CACNA1B: variants seen among roughly 807,000 people sequenced by gnomAD.
CACNA1B encodes the protein calcium voltage-gated channel subunit alpha1 B.
CACNA1B carries 70 observed loss-of-function variants against 247.2 expected under a neutral mutation model. The observed-to-expected ratio is 0.28, with a 90% CI of 0.23 to 0.35. CACNA1B has a LOEUF of 0.35. Among genes scored for constraint, CACNA1B ranks in the 10% least tolerant of loss-of-function variants. The pLI, the probability that CACNA1B is intolerant of heterozygous loss-of-function variation, is 1.00. For synonymous variants in CACNA1B, 1,231 were observed against 1,294.4 expected, an observed-to-expected ratio of 0.95 and a Z score of 1.05; for missense variants, 2,367 against 3,197.4, an observed-to-expected ratio of 0.74 and a Z score of 6.26.
At chr9:138,048,426 G>A (rs1959201868) in intron 23 of CACNA1B, among the ~76,000 whole-genome samples, 1 of 152,208 alleles carries the variant, frequency 6.6e-6, no homozygotes, top group Admixed American at 6.5e-5. Flanking sequence ...CAGGCTGCAG[G>A]GAATTTAGGA....
intron 20 of CACNA1B, among the ~76,000 whole-genome samples, chr9:138,030,612 A>G (rs1589080285): frequency 6.6e-6 from 1 of 152,296 alleles, no homozygotes; most frequent in Admixed American, 6.5e-5. Context: ...TTTGAATTGA[A>G]TGGATTGTCC....
At chr9:137,949,671 C>T (rs1957856452) in intron 6 of CACNA1B, among the ~76,000 whole-genome samples, 1 of 152,004 alleles carries the variant, frequency 6.6e-6, no homozygotes, top group Admixed American at 6.6e-5. Flanking sequence ...ATGCAGTTCC[C>T]GATGGCGGTG....
intron 6 of CACNA1B, among the ~76,000 whole-genome samples, chr9:137,923,470 G>A (rs1335762094): frequency 2.0e-5 from 3 of 150,726 alleles, no homozygotes; most frequent in Admixed American, 6.6e-5. Flanking sequence ...GTGCCAGGTA[G>A]TATTCCGTGG....
intron 20 of CACNA1B, among the ~76,000 whole-genome samples, chr9:138,026,338 G>A (rs1333049828): frequency 2.0e-5 from 3 of 152,254 alleles, no homozygotes; most frequent in East Asian, 3.9e-4. Context: ...TCCCTCACCT[G>A]ATTCTCTGTG....
At chr9:138,088,914 G>A (rs1001971276) in intron 36 of CACNA1B, among the ~76,000 whole-genome samples, 28 of 134,854 alleles carry the variant, frequency 2.1e-4, no homozygotes, top group African/African-American at 4.5e-4. Flanking sequence ...ACCGGAGATC[G>A]CGCCATTGCA....
intron 3 of CACNA1B, among the ~76,000 whole-genome samples, chr9:137,901,444 G>C (rs1428957359): frequency 6.6e-6 from 1 of 152,110 alleles, no homozygotes; most frequent in Non-Finnish European, 1.5e-5. Context: ...TCCTGCCTCA[G>C]CCTCCTAAGT....
chr9:137,892,220 C>G, intron 3 of CACNA1B: 1 of 456,800 alleles, frequency 2.2e-6, no homozygotes, highest in Non-Finnish European at 4.4e-6. Flanking sequence ...CCGGGCGCTG[C>G]AACAGCAGAC....
intron 35 of CACNA1B, among the ~76,000 whole-genome samples, chr9:138,076,598 C>A (rs905499981): frequency 6.6e-6 from 1 of 152,236 alleles, no homozygotes. Flanking sequence ...GCCTCAGCAT[C>A]AGCTGCTGTT....
intron 20 of CACNA1B, among the ~76,000 whole-genome samples, chr9:138,033,813 C>T (rs534135275): frequency 6.6e-6 from 1 of 152,092 alleles, no homozygotes; most frequent in African/African-American, 2.4e-5. Context: ...ATAGGGGAAA[C>T]CACCCCCATG....
chr9:137,910,443 G>A (rs904916236), intron 3 of CACNA1B, among the ~76,000 whole-genome samples: 2 of 152,128 alleles, frequency 1.3e-5, no homozygotes, highest in African/African-American at 2.4e-5. Context: ...CAGAGGTCGG[G>A]GGATGGTTTT....
At position 138,102,439 on chromosome 9, in the gene CACNA1B, C is replaced by T. The variant is rs562128211; in HGVS notation, c.5223-272C>T. Among the ~76,000 whole-genome samples the T allele has an allele frequency of 7.8e-4, 119 of 152,272 alleles. 1 individual carries two copies. The highest frequency in any genetic ancestry group is 1.2e-3 in the Non-Finnish European group (79 of 68,024). The stretch of plus-strand genomic sequence containing the variant: ...ACCCCTCCATGTTCATTAGCTCAGA[C>T]GCCACCCCCGCCCACTGCCCCGCGT... On this transcript the variant is annotated intron_variant, in intron 37 of 46. Coordinates refer to ENST00000371372, the MANE Select transcript of CACNA1B (RefSeq NM_000718.4). The surrounding 1 kb of genome is among the most constrained non-coding windows in gnomAD (Gnocchi z 5.4).
rs5901129 is a variant in CACNA1B, at chr9:138,123,560, ATG to A, written c.*1589_*1590del. 0.77 allele frequency: 114,970 copies of A among 149,358 alleles called. 48,967 individuals carry two copies. The highest frequency in any genetic ancestry group is 0.94 in the Non-Finnish European group (63,372 of 67,078). 9.3% of individuals were successfully genotyped at this position (149,358 alleles called of 1,614,324 possible). On this transcript the variant is annotated 3_prime_UTR_variant, in exon 47 of 47. Coordinates refer to ENST00000371372, the MANE Select transcript of CACNA1B (RefSeq NM_000718.4). ...ATTCTCCTCAAAGAAATTGTGTGTG[ATG>A]TGTGTGTGTGTGTGTGTGTGTGTGT...
rs1389520429 is a variant in CACNA1B, at chr9:138,122,983, G to A, written c.*984G>A. 1 of 152,276 alleles carries A rather than the reference G, an allele frequency of 6.6e-6. No homozygotes were observed. The highest frequency in any genetic ancestry group is 1.5e-5 in the Non-Finnish European group (1 of 68,056). The allele number at this position is 152,276 out of a possible 1,614,324, so 9.4% of individuals were successfully genotyped here. On this transcript the variant is annotated 3_prime_UTR_variant, in exon 47 of 47. Transcript: ENST00000371372. ...GGATGTCATGGTGGCAAACAAGGCA[G>A]CCATTTGCTGTCCTCCTCCCACGAG...
chr9:137,918,015 G>T (rs1430709414), intron 6 of CACNA1B, among the ~76,000 whole-genome samples: 1 of 152,220 alleles, frequency 6.6e-6, no homozygotes, highest in Non-Finnish European at 1.5e-5. Flanking sequence ...CAGGGCCGAG[G>T]CCCCCAAGAC....
At chr9:137,940,894 G>A (rs535569240) in intron 6 of CACNA1B, among the ~76,000 whole-genome samples, 8 of 152,074 alleles carry the variant, frequency 5.3e-5, no homozygotes, top group African/African-American at 1.4e-4. Flanking sequence ...CAGCAAAATC[G>A]GCATACACAG....
intron 37 of CACNA1B, among the ~76,000 whole-genome samples, chr9:138,099,018 A>T (rs540905553): frequency 6.6e-6 from 1 of 152,378 alleles, no homozygotes; most frequent in East Asian, 1.9e-4. Context: ...AAACGCAGTG[A>T]TGTAGTCATT....
At chr9:138,013,312 A>C (rs977650445) in intron 18 of CACNA1B, 77 bp downstream of exon 18, 1 of 1,128,522 alleles carries the variant, frequency 8.9e-7, no homozygotes, top group Non-Finnish European at 1.3e-6. Flanking sequence ...TCCCCAGGGC[A>C]CCCCTTCCAG....
intron 21 of CACNA1B, among the ~76,000 whole-genome samples, chr9:138,045,025 G>T (rs945879572): frequency 8.5e-5 from 13 of 152,370 alleles, no homozygotes; most frequent in African/African-American, 2.6e-4. Context: ...CTGGGAGCAG[G>T]TGATAGAAGG....
At chr9:138,017,664 G>A (rs920517654) in intron 18 of CACNA1B, among the ~76,000 whole-genome samples, 1 of 152,208 alleles carries the variant, frequency 6.6e-6, no homozygotes, top group Non-Finnish European at 1.5e-5. Context: ...TGATTCTCAG[G>A]AAGTCCTTGT....
Sources: gnomAD v4.1 joint callset for allele counts (sites outside exome capture counted in the v4.1 genomes callset) on GRCh38, gnomAD v4.1.1 for gene constraint, Gnocchi (gnomAD v3.1) non-coding constraint, MANE v1.5 for transcripts, NCBI Gene and HGNC (gene_info 2026-07-23, HGNC 2026-07-21) for gene names.